The following YTHDC1 variants were observed in gnomAD, a reference collection of about 807,000 sequenced individuals.
YTHDC1 encodes the protein YTH domain-containing protein 1.
YTHDC1 carries 12 observed loss-of-function variants against 107.0 expected under a neutral mutation model. The ratio of observed to expected loss-of-function variants is 0.11; its 90% CI spans 0.07 to 0.18. The LOEUF (loss-of-function observed/expected upper bound fraction) is 0.18. Among genes scored for constraint, YTHDC1 ranks in the 10% least tolerant of loss-of-function variants. The pLI, the probability that YTHDC1 is intolerant of heterozygous loss-of-function variation, is 1.00. For missense variants in YTHDC1, 635 were observed against 898.8 expected, an observed-to-expected ratio of 0.71 and a Z score of 3.75; for synonymous variants, 280 against 289.5, an observed-to-expected ratio of 0.97 and a Z score of 0.33.
At chr4:68,323,433 A>G (rs895254422) in intron 10 of YTHDC1, among the ~76,000 whole-genome samples, 16 of 152,180 alleles carry the variant, frequency 1.1e-4, no homozygotes, top group Admixed American at 6.5e-5. Context: ...AAAATGTCAT[A>G]TTACTTTTGC....
chr4:68,317,567 T>A (rs956937369), intron 15 of YTHDC1, among the ~76,000 whole-genome samples: 1 of 152,214 alleles, frequency 6.6e-6, no homozygotes, highest in Admixed American at 6.5e-5. Context: ...TATCTTAAAA[T>A]ATACTCTAAG....
chr4:68,319,121 T>C (rs1722168951), intron 12 of YTHDC1, among the ~76,000 whole-genome samples: 1 of 152,176 alleles, frequency 6.6e-6, no homozygotes, highest in Non-Finnish European at 1.5e-5. Flanking sequence ...CTCCAAATCT[T>C]GCTAATCAGA....
chr4:68,321,109 CAAAA>C (rs201885399), intron 11 of YTHDC1, among the ~76,000 whole-genome samples: 2 of 149,808 alleles, frequency 1.3e-5, no homozygotes, highest in African/African-American at 2.4e-5. Context: ...AAGAGTTAAA[CAAAA>C]AAAAAGTCCA....
At chr4:68,324,631 A>G (rs1722787432) in intron 9 of YTHDC1, among the ~76,000 whole-genome samples, 2 of 152,246 alleles carry the variant, frequency 1.3e-5, no homozygotes, top group African/African-American at 4.8e-5. Flanking sequence ...ACCAAAAAGA[A>G]GCTGGACCTT....
In YTHDC1 at chr4:68,312,483, CAA is replaced by C. The variant is rs1393210352; in HGVS notation, c.*1614_*1615del. 2 of 152,146 alleles carry C rather than the reference CAA, an allele frequency of 1.3e-5. No homozygotes were observed. Among genetic ancestry groups the C allele is most frequent in the Admixed American group, 6.5e-5 (1 of 15,276 alleles). 9.4% of individuals were successfully genotyped at this position (152,146 alleles called of 1,614,324 possible). A position where few individuals can be genotyped will look rare whatever the true frequency, so the allele number is the denominator to read the frequency against. The stretch of plus-strand genomic sequence containing the variant: ...TATCACTAACCGGTTTAATTAAAGA[CAA>C]TGACAAAACTAGAACCCAGGTTTCC... On this transcript the variant is annotated 3_prime_UTR_variant, in exon 17 of 17. Coordinates refer to ENST00000344157, the MANE Select transcript of YTHDC1 (RefSeq NM_001031732.4).
Position 68,338,285 on chromosome 4 carries a change from T to C in YTHDC1, c.128A>G (p.Lys43Arg). The change falls in exon 2 of 17, where the codon AAG becomes AGG. Residue 43 changes from lysine to arginine, a missense_variant and splice_region_variant. Physicochemically the swap from Lys to Arg is conservative, Grantham distance 26. Coordinates refer to ENST00000344157, the MANE Select transcript of YTHDC1 (RefSeq NM_001031732.4). ...AAAATAATAGAACTCTTACATACCC[T>C]TTTTCTCATTTTTATCTTGTTCACT... Reference protein sequence around the residue: ...PESEQDKNEKKGSKRKSDRME... With the variant: ...PESEQDKNEKRGSKRKSDRME... 6.3e-7 allele frequency: 1 copy of C among 1,598,700 alleles called. No individual in the cohort carries two copies. Among genetic ancestry groups the C allele is most frequent in the East Asian group, 2.2e-5 (1 of 44,644 alleles).
At chr4:68,345,769 CCATAGTATATACA>C (rs1451684990) in intron 1 of YTHDC1, among the ~76,000 whole-genome samples, 1 of 151,996 alleles carries the variant, frequency 6.6e-6, no homozygotes, top group Non-Finnish European at 1.5e-5. Context: ...ATAGTGAGGG[CCATAGTATATACA>C]CATAGTATAT....
At position 68,313,366 on chromosome 4, in the gene YTHDC1, T is replaced by C. The variant is rs934050723; in HGVS notation, c.*733A>G. The C allele has an allele frequency of 6.6e-6, 1 of 152,582 alleles. No individual in the cohort carries two copies. Among genetic ancestry groups the C allele is most frequent in the Non-Finnish European group, 1.5e-5 (1 of 68,042 alleles). 9.5% of individuals were successfully genotyped at this position (152,582 alleles called of 1,614,324 possible). On this transcript the variant is annotated 3_prime_UTR_variant, in exon 17 of 17. Coordinates refer to ENST00000344157, the MANE Select transcript of YTHDC1 (RefSeq NM_001031732.4). ...TATTTTATACAAAACAGTAGCAATG[T>C]AGAATATGGGAATCGTCTTCCGCTG...
intron 7 of YTHDC1, 83 bp from the exon 8 acceptor site, chr4:68,330,393 T>C: frequency 2.2e-6 from 2 of 897,596 alleles, no homozygotes; most frequent in South Asian, 5.9e-5. Flanking sequence ...AAAAACTACA[T>C]ATTTTGGTGT....
chr4:68,322,988 CAG>C lies in YTHDC1; in HGVS notation c.1435-75_1435-74del. On this transcript the variant is annotated intron_variant, in intron 10 of 16. Coordinates refer to ENST00000344157, the MANE Select transcript of YTHDC1 (RefSeq NM_001031732.4). This position sits in a 1 kb window ranked among gnomAD's most constrained non-coding sequence, Gnocchi z 4.8. Reference sequence around the variant, plus strand: ...ACAGACTTGCATTTTCCTGATGTACCAGAACAAAAACTGACTTGGAAGCTTTC... The same window carrying C: ...ACAGACTTGCATTTTCCTGATGTACCAACAAAAACTGACTTGGAAGCTTTC... The C allele has an allele frequency of 6.7e-7, 1 of 1,493,630 alleles. No homozygotes were observed. Among genetic ancestry groups the C allele is most frequent in the Non-Finnish European group, 9.1e-7 (1 of 1,098,286 alleles). 92.5% of individuals were successfully genotyped at this position (1,493,630 alleles called of 1,614,324 possible).
intron 1 of YTHDC1, among the ~76,000 whole-genome samples, chr4:68,343,377 T>C (rs1273691595): frequency 2.0e-5 from 3 of 151,750 alleles, no homozygotes; most frequent in Admixed American, 1.3e-4. Context: ...ATTTTTGTTA[T>C]TTTTAGTAGA....
Position 68,332,719 on chromosome 4 carries a change from A to G in YTHDC1, c.1027+75T>C, listed in dbSNP as rs895583282. 2.2e-5 allele frequency: 29 copies of G among 1,313,354 alleles called. No individual in the cohort carries two copies. The African/African-American group carries it at 2.9e-4, about 13-fold the overall frequency. 81.4% of individuals were successfully genotyped at this position (1,313,354 alleles called of 1,614,324 possible). Reference sequence around the variant, plus strand: ...GAACATTACTACATTAAAAGCAGCTATTAATGGAGAACCAATAAGGAAAAA... The same window carrying G: ...GAACATTACTACATTAAAAGCAGCTGTTAATGGAGAACCAATAAGGAAAAA... On this transcript the variant is annotated intron_variant, in intron 6 of 16. Transcript: ENST00000344157.
rs1246968289 is a variant in YTHDC1, at chr4:68,337,105, C to T, written c.805G>A (p.Glu269Lys). ...EEGNDYDTRSEASDSGSESVS... is the reference protein window; with the variant it reads ...EEGNDYDTRSKASDSGSESVS... ...GATTCAGAACCAGAGTCACTGGCCT[C>T]ACTTCGAGTGTCATAATCATTTCCC... The change falls in exon 4 of 17, where the codon GAG (glutamate) becomes AAG (lysine). Residue 269 changes from glutamate to lysine, a missense_variant. Physicochemically the swap from Glu to Lys is moderately conservative, Grantham distance 56. Transcript: ENST00000344157. 1 of 1,614,104 alleles carries T rather than the reference C, an allele frequency of 6.2e-7. No individual in the cohort carries two copies. Among genetic ancestry groups the T allele is most frequent in the South Asian group, 1.1e-5 (1 of 91,066 alleles).
chr4:68,335,870 A>G (rs1198181650), intron 4 of YTHDC1, among the ~76,000 whole-genome samples: 1 of 151,508 alleles, frequency 6.6e-6, no homozygotes, highest in African/African-American at 2.4e-5. Flanking sequence ...AGCCTATCTT[A>G]ACTCCCAAAC....
chr4:68,341,078 TATATC>T (rs1165044109), intron 1 of YTHDC1, among the ~76,000 whole-genome samples: 5 of 152,124 alleles, frequency 3.3e-5, no homozygotes, highest in Admixed American at 2.6e-4. Context: ...ACTTTTAAAA[TATATC>T]ATATATACAA....
chr4:68,320,067 T>G, intron 12 of YTHDC1, 56 bp downstream of exon 12: 4 of 1,475,502 alleles, frequency 2.7e-6, no homozygotes, highest in Non-Finnish European at 3.7e-6. Context: ...TTTTAATTTT[T>G]TAATTTTTTT....
Position 68,310,946 on chromosome 4 carries a change from T to C in YTHDC1, c.*3153A>G, listed in dbSNP as rs1173038248. 4 of 152,162 alleles carry C rather than the reference T, an allele frequency of 2.6e-5. No individual in the cohort carries two copies. Among genetic ancestry groups the C allele is most frequent in the Non-Finnish European group, 5.9e-5 (4 of 68,030 alleles). The allele number at this position is 152,162 out of a possible 1,614,324, so 9.4% of individuals were successfully genotyped here. ...CCACACCTGTGATGGCAAAATACTC[T>C]GAAAAGTCAAACATTCAGGTGTTAT... is the stretch of plus-strand genomic sequence containing the variant. On this transcript the variant is annotated 3_prime_UTR_variant, in exon 17 of 17. Coordinates refer to ENST00000344157, the MANE Select transcript of YTHDC1 (RefSeq NM_001031732.4).
At chr4:68,326,408 T>C (rs1198232268) in intron 9 of YTHDC1, among the ~76,000 whole-genome samples, 1 of 152,200 alleles carries the variant, frequency 6.6e-6, no homozygotes, top group Non-Finnish European at 1.5e-5. Context: ...ATCCTTATTT[T>C]ATCCTTTCTT....
chr4:68,322,234 G>C lies in YTHDC1; in HGVS notation c.1601+515C>G, dbSNP rs1722518063. 6.6e-6 allele frequency among the ~76,000 whole-genome samples: 1 copy of C among 152,226 alleles called. No homozygotes were observed. Among genetic ancestry groups the C allele is most frequent in the East Asian group, 1.9e-4 (1 of 5,180 alleles). ...TAAAATCTGAAACAGTCCCAATAAT[G>C]CTCCTCTTGAATATCAAAATAACTT... On this transcript the variant is annotated intron_variant, in intron 11 of 16. Coordinates refer to ENST00000344157, the MANE Select transcript of YTHDC1 (RefSeq NM_001031732.4). The surrounding 1 kb of genome is among the most constrained non-coding windows in gnomAD (Gnocchi z 4.8).
Sources: gnomAD v4.1 joint callset for allele counts (sites outside exome capture counted in the v4.1 genomes callset) on GRCh38, gnomAD v4.1.1 for gene constraint, Gnocchi (gnomAD v3.1) non-coding constraint, MANE v1.5 for transcripts, NCBI Gene and HGNC (gene_info 2026-07-23, HGNC 2026-07-21) for gene names.